Variants in ADAMTS20 observed in about 807,000 individuals in gnomAD.
The protein encoded by ADAMTS20 is A disintegrin and metalloproteinase with thrombospondin motifs 20.
Under a neutral mutation model 260.1 loss-of-function variants are expected in ADAMTS20, and 225 were observed. That is an observed-to-expected ratio of 0.87 (90% CI 0.78 to 0.97). The LOEUF (loss-of-function observed/expected upper bound fraction) is 0.97, where lower values mean the gene tolerates loss of function less well. ADAMTS20 is among the 50% of genes least tolerant of loss of function. The probability of loss-of-function intolerance (pLI) is 0.00; values close to 1 mark genes in which losing one functional copy is unlikely to be tolerated. For missense variants in ADAMTS20, 2,400 were observed against 2,337.7 expected, an observed-to-expected ratio of 1.03 and a Z score of -0.55; for synonymous variants, 802 against 769.5, an observed-to-expected ratio of 1.04 and a Z score of -0.70.
chr12:43,500,046 T>TGA (rs948091938), intron 4 of ADAMTS20, among the ~76,000 whole-genome samples: 2 of 141,400 alleles, frequency 1.4e-5, no homozygotes, highest in African/African-American at 5.3e-5. Context: ...TTTTTTTTTT[T>TGA]GAGAGAGAGT....
chr12:43,550,577 G>A (rs1592121052), intron 2 of ADAMTS20, among the ~76,000 whole-genome samples: 1 of 152,150 alleles, frequency 6.6e-6, no homozygotes, highest in East Asian at 1.9e-4. Context: ...GGGTACATCT[G>A]AGTCAAACAG....
intron 36 of ADAMTS20, among the ~76,000 whole-genome samples, chr12:43,370,940 T>C (rs1043544740): frequency 8.5e-5 from 13 of 152,208 alleles, no homozygotes; most frequent in African/African-American, 2.9e-4. Flanking sequence ...CGCTTCCTAA[T>C]CATTTTTCAT....
chr12:43,548,550 A>G (rs1331063823), intron 2 of ADAMTS20, among the ~76,000 whole-genome samples: 2 of 152,236 alleles, frequency 1.3e-5, no homozygotes, highest in African/African-American at 4.8e-5. Context: ...TGATGAAACT[A>G]TTAATCCAAA....
At chr12:43,356,631 A>T in intron 37 of ADAMTS20, 43 bp from the exon 38 acceptor site, 1 of 1,396,636 alleles carries the variant, frequency 7.2e-7, no homozygotes, top group African/African-American at 1.4e-5. Context: ...GGAATTTACA[A>T]AATATTTGAT....
At chr12:43,519,823 C>T (rs550105175) in intron 3 of ADAMTS20, among the ~76,000 whole-genome samples, 5 of 152,272 alleles carry the variant, frequency 3.3e-5, no homozygotes, top group African/African-American at 1.2e-4. Context: ...ATCTTATTTG[C>T]TGTTGTACAA....
chr12:43,424,519 A>T (rs7309639), intron 28 of ADAMTS20, among the ~76,000 whole-genome samples: 105,794 of 151,966 alleles, frequency 0.7, 37,224 homozygotes, highest in East Asian at 1. Flanking sequence ...CTCTACTTTT[A>T]TAAACATAAT....
chr12:43,390,309 T>A (rs1940570601), intron 29 of ADAMTS20, among the ~76,000 whole-genome samples: 1 of 152,236 alleles, frequency 6.6e-6, no homozygotes, highest in East Asian at 1.9e-4. Context: ...AGATTGAAAT[T>A]GCTGATTCAA....
intron 37 of ADAMTS20, among the ~76,000 whole-genome samples, chr12:43,367,302 T>C (rs1940008858): frequency 6.6e-6 from 1 of 151,960 alleles, no homozygotes; most frequent in Non-Finnish European, 1.5e-5. Context: ...CAAAAAATAG[T>C]AGCAAACCAA....
rs531144783 is a variant in ADAMTS20 at position 43,525,270 on chromosome 12, T to C, written c.613+6766A>G. On this transcript the variant is annotated intron_variant, in intron 3 of 38. Transcript: ENST00000389420. Reference sequence around the variant, plus strand: ...ACAACTGTCAGTTAACAATTTTGTATCCAACAATAAATTTCATAAATGAAG... The same window carrying C: ...ACAACTGTCAGTTAACAATTTTGTACCCAACAATAAATTTCATAAATGAAG... Among the ~76,000 whole-genome samples the C allele has an allele frequency of 3.3e-5, 5 of 152,190 alleles. No homozygotes were observed. In the South Asian group the frequency reaches 1.0e-3, roughly 32 times the overall value.
intron 3 of ADAMTS20, among the ~76,000 whole-genome samples, chr12:43,516,253 T>G (rs1039453021): frequency 6.6e-6 from 1 of 152,190 alleles, no homozygotes; most frequent in South Asian, 2.1e-4. Context: ...TTTTGCAGTT[T>G]TCCCTTGCAT....
chr12:43,486,401 A>C (rs1002236527), intron 7 of ADAMTS20, among the ~76,000 whole-genome samples: 2 of 152,072 alleles, frequency 1.3e-5, no homozygotes, highest in Admixed American at 1.3e-4. Context: ...CTGTATCCCT[A>C]TATTTCACCT....
In ADAMTS20 at chr12:43,486,554, C is replaced by G. The variant is rs138074196; in HGVS notation, c.1117+3841G>C. Among the ~76,000 whole-genome samples, 507 of 152,018 alleles carry G rather than the reference C, an allele frequency of 3.3e-3. 2 individuals are homozygous for G. Among genetic ancestry groups the G allele is most frequent in the Non-Finnish European group, 5.4e-3 (369 of 67,954 alleles). On this transcript the variant is annotated intron_variant, in intron 7 of 38. Coordinates refer to ENST00000389420, the MANE Select transcript of ADAMTS20 (RefSeq NM_025003.5). ...ATGACTAAGACCCCAAAAGCAAATG[C>G]AACAAAAACAAAAATAAATAAATGG...
chr12:43,450,176 A>G (rs542149309), intron 14 of ADAMTS20, among the ~76,000 whole-genome samples: 1 of 152,056 alleles, frequency 6.6e-6, no homozygotes, highest in Non-Finnish European at 1.5e-5. Context: ...CTTATTTTTA[A>G]AAATGAATGA....
Position 43,377,499 on chromosome 12 carries a change from T to C in ADAMTS20, c.4861A>G (p.Thr1621Ala), listed in dbSNP as rs763020450. 29 of 1,613,660 alleles carry C rather than the reference T, an allele frequency of 1.8e-5. No homozygotes were observed. Among genetic ancestry groups the C allele is most frequent in the Admixed American group, 1.7e-4 (10 of 59,978 alleles). Residue 1621 changes from threonine (T) to alanine (A), a missense_variant, in exon 32 of 39, where the codon ACT becomes GCT. Transcript: ENST00000389420. ...RITYCTEIPS[T>A]KKHKLHRLRP... Reference sequence around the variant, plus strand: ...AGTCGATGGAGCTTATGTTTCTTAGTAGATGGGATCTCGGTGCAATATGTA... The same window carrying C: ...AGTCGATGGAGCTTATGTTTCTTAGCAGATGGGATCTCGGTGCAATATGTA...
At chr12:43,523,776 A>AG (rs773127044) in intron 3 of ADAMTS20, among the ~76,000 whole-genome samples, 6 of 152,022 alleles carry the variant, frequency 3.9e-5, no homozygotes, top group Non-Finnish European at 8.8e-5. Context: ...TGACCCCCAG[A>AG]GGGGTTGTTC....
In ADAMTS20 at chr12:43,380,921, T is replaced by G. The variant is rs184513497; in HGVS notation, c.4797+2637A>C. 4.5e-4 allele frequency among the ~76,000 whole-genome samples: 69 copies of G among 152,254 alleles called. 1 individual carries two copies. Among genetic ancestry groups the G allele is most frequent in the Admixed American group, 4.3e-3 (66 of 15,282 alleles). ...ACATGGAAATGTAAGAGACTCAGAA[T>G]AGCCCAGTAATCTTAAAGAGGAAGG... On this transcript the variant is annotated intron_variant, in intron 31 of 38. Transcript: ENST00000389420.
At chr12:43,499,752 C>T (rs1339162240) in intron 4 of ADAMTS20, among the ~76,000 whole-genome samples, 1 of 152,136 alleles carries the variant, frequency 6.6e-6, no homozygotes, top group African/African-American at 2.4e-5. Context: ...ATCCACCCAC[C>T]TTGGCCTCCC....
intron 2 of ADAMTS20, 132 bp from the exon 3 acceptor site, chr12:43,532,327 A>G (rs1270205022): frequency 3.4e-5 from 26 of 758,580 alleles, no homozygotes; most frequent in Non-Finnish European, 4.9e-5. Flanking sequence ...CCATCAACTG[A>G]GCATAAAAAG....
intron 28 of ADAMTS20, among the ~76,000 whole-genome samples, chr12:43,405,775 T>A (rs935410764): frequency 6.6e-6 from 1 of 152,160 alleles, no homozygotes; most frequent in African/African-American, 2.4e-5. Context: ...AATTTAGAAG[T>A]CATCAAATGA....
Sources: allele counts gnomAD v4.1 joint callset (sites outside exome capture counted in the v4.1 genomes callset), GRCh38; gene constraint gnomAD v4.1.1; transcripts MANE v1.5; gene names NCBI Gene and HGNC (gene_info 2026-07-23, HGNC 2026-07-21).